CNTN5: variants seen among roughly 807,000 people sequenced by gnomAD.
CNTN5 encodes contactin 5.
A neutral mutation model predicts 129.1 loss-of-function variants in CNTN5; 77 were observed. That is an observed-to-expected ratio of 0.60 (90% CI 0.50 to 0.72). The LOEUF is 0.72. CNTN5 is among the 30% of genes least tolerant of loss of function. The pLI, the probability that CNTN5 is intolerant of heterozygous loss-of-function variation, is 0.00. For missense variants in CNTN5, 1,478 were observed against 1,328.8 expected (o/e 1.11, Z -1.75); for synonymous variants, 509 against 465.6 (o/e 1.09, Z -1.20).
At chr11:99,823,689 TAA>T (rs150687637) in intron 4 of CNTN5, among the ~76,000 whole-genome samples, 2,187 of 152,266 alleles carry the variant, frequency 0.014, 50 homozygotes, top group African/African-American at 0.05. Flanking sequence ...GACTATATAT[TAA>T]GTTTATTAAA....
intron 3 of CNTN5, among the ~76,000 whole-genome samples, chr11:99,625,156 T>G (rs1158427362): frequency 6.6e-6 from 1 of 152,214 alleles, no homozygotes; most frequent in Non-Finnish European, 1.5e-5. Flanking sequence ...AGTGCCTTTT[T>G]CTTTTATACT....
chr11:100,087,604 C>T (rs932266159), intron 13 of CNTN5, among the ~76,000 whole-genome samples: 1 of 151,902 alleles, frequency 6.6e-6, no homozygotes, highest in African/African-American at 2.4e-5. Flanking sequence ...TATACATTCA[C>T]CCAATACTAG....
chr11:100,309,892 A>AGT (rs1457799540), intron 21 of CNTN5, among the ~76,000 whole-genome samples: 1 of 151,840 alleles, frequency 6.6e-6, no homozygotes, highest in East Asian at 1.9e-4. Flanking sequence ...TTGCTTGGAA[A>AGT]GTGACCTCGC....
At chr11:100,049,983 T>A (rs1448541852) in intron 9 of CNTN5, among the ~76,000 whole-genome samples, 2 of 152,164 alleles carry the variant, frequency 1.3e-5, no homozygotes, top group Non-Finnish European at 2.9e-5. Context: ...CAACAGGTGC[T>A]GGAGAGGATG....
At chr11:100,302,383 G>A (rs750762678) in intron 20 of CNTN5, among the ~76,000 whole-genome samples, 11 of 151,486 alleles carry the variant, frequency 7.3e-5, no homozygotes, top group Admixed American at 2.0e-4. Flanking sequence ...TAATCTGAGC[G>A]AAATTGTATT....
chr11:99,129,493 T>A (rs1351489921), intron 1 of CNTN5, among the ~76,000 whole-genome samples: 1 of 152,092 alleles, frequency 6.6e-6, no homozygotes, highest in Non-Finnish European at 1.5e-5. Flanking sequence ...CTCACTGAAG[T>A]ACCTGAAAGA....
At chr11:99,128,221 T>C (rs1200534554) in intron 1 of CNTN5, among the ~76,000 whole-genome samples, 1 of 152,096 alleles carries the variant, frequency 6.6e-6, no homozygotes, top group Non-Finnish European at 1.5e-5. Flanking sequence ...CACAGCAGCC[T>C]GGAGTCTGCC....
At chr11:99,241,318 G>GTTTTTTTTTTTTTTTTTTTTTTGTTT (rs10648459) in intron 1 of CNTN5, among the ~76,000 whole-genome samples, 1 of 88,050 alleles carries the variant, frequency 1.1e-5, no homozygotes, top group Non-Finnish European at 2.1e-5. Context: ...TTGATTGTTG[G>GTTTTTTTTTTTTTTTTTTTTTTGTTT]TTTTTTTTTT....
At chr11:99,163,823 T>G (rs1860736622) in intron 1 of CNTN5, among the ~76,000 whole-genome samples, 1 of 152,226 alleles carries the variant, frequency 6.6e-6, no homozygotes, top group Non-Finnish European at 1.5e-5. Flanking sequence ...GCAGAGATTT[T>G]GAGTGTACCA....
intron 13 of CNTN5, among the ~76,000 whole-genome samples, chr11:100,094,399 A>T (rs975680857): frequency 2.0e-5 from 3 of 152,130 alleles, no homozygotes; most frequent in African/African-American, 7.2e-5. Flanking sequence ...TCAGCTGCAT[A>T]ATCATTTAGC....
chr11:99,267,771 A>T (rs983188177), intron 1 of CNTN5, among the ~76,000 whole-genome samples: 1 of 152,024 alleles, frequency 6.6e-6, no homozygotes, highest in Non-Finnish European at 1.5e-5. Flanking sequence ...GCACTAACAC[A>T]TTGCAGTGTA....
intron 6 of CNTN5, among the ~76,000 whole-genome samples, chr11:99,911,991 C>T (rs1165301406): frequency 1.3e-5 from 2 of 151,960 alleles, no homozygotes; most frequent in Admixed American, 6.6e-5. Flanking sequence ...TCTCACCATG[C>T]TTATTTTGTC....
intron 21 of CNTN5, among the ~76,000 whole-genome samples, chr11:100,323,596 T>C (rs1431882792): frequency 6.6e-6 from 1 of 152,000 alleles, no homozygotes; most frequent in East Asian, 1.9e-4. Context: ...CTGTAAGATC[T>C]GTGGGATATT....
At chr11:99,356,188 ACC>A (rs11304657) in intron 2 of CNTN5, among the ~76,000 whole-genome samples, 5 of 146,718 alleles carry the variant, frequency 3.4e-5, no homozygotes, top group African/African-American at 1.0e-4. Context: ...TGCCTTAACC[ACC>A]CCCCCCCAAC....
At chr11:99,223,555 T>G (rs901744655) in intron 1 of CNTN5, among the ~76,000 whole-genome samples, 1 of 152,174 alleles carries the variant, frequency 6.6e-6, no homozygotes, top group Non-Finnish European at 1.5e-5. Context: ...GAGTTTTAAG[T>G]AGAATCACAG....
chr11:99,232,330 C>T (rs529975839), intron 1 of CNTN5, among the ~76,000 whole-genome samples: 51 of 152,046 alleles, frequency 3.4e-4, no homozygotes, highest in Admixed American at 2.0e-4. Flanking sequence ...TTTCCTTGAG[C>T]AGTGGTTTGT....
intron 3 of CNTN5, among the ~76,000 whole-genome samples, chr11:99,702,729 A>C (rs1954576851): frequency 6.6e-6 from 1 of 150,950 alleles, no homozygotes; most frequent in Non-Finnish European, 1.5e-5. Flanking sequence ...TATATCCAAG[A>C]TGTTTGATGT....
At chr11:99,844,158 G>T (rs764619293) in intron 4 of CNTN5, among the ~76,000 whole-genome samples, 1 of 152,166 alleles carries the variant, frequency 6.6e-6, no homozygotes, top group Admixed American at 6.5e-5. Flanking sequence ...CTGGTATATA[G>T]TAGGCAATAA....
chr11:99,951,385 T>C (rs1950672277), intron 7 of CNTN5, among the ~76,000 whole-genome samples: 1 of 152,148 alleles, frequency 6.6e-6, no homozygotes, highest in Non-Finnish European at 1.5e-5. Context: ...ATTTCACTAC[T>C]ACTTGTTGAT....
Sources: gnomAD v4.1 joint callset for allele counts (sites outside exome capture counted in the v4.1 genomes callset) on GRCh38, gnomAD v4.1.1 for gene constraint, MANE v1.5 for transcripts, NCBI Gene and HGNC (gene_info 2026-07-23, HGNC 2026-07-21) for gene names.